The following PRRX2 variants were observed in gnomAD, a reference collection of about 807,000 sequenced individuals.
PRRX2 encodes the protein paired related homeobox 2.
Under a neutral mutation model 18.0 loss-of-function variants are expected in PRRX2, and 11 were observed. The ratio of observed to expected loss-of-function variants is 0.61; its 90% CI spans 0.39 to 1.01. The LOEUF (loss-of-function observed/expected upper bound fraction) is 1.01, where lower values mean the gene tolerates loss of function less well. Among genes scored for constraint, PRRX2 ranks in the 50% least tolerant of loss-of-function variants. PRRX2 has a pLI of 0.01. For missense variants in PRRX2, 387 were observed against 351.0 expected (o/e 1.10, Z -0.82); for synonymous variants, 177 against 154.8 (o/e 1.14, Z -1.06).
intron 1 of PRRX2, among the ~76,000 whole-genome samples, chr9:129,711,074 C>T (rs1564154294): frequency 6.6e-6 from 1 of 152,130 alleles, no homozygotes; most frequent in African/African-American, 2.4e-5. Context: ...TTCAGCCTCC[C>T]TCCTTTTTGT....
chr9:129,684,462 A>ACAC, intron 1 of PRRX2, among the ~76,000 whole-genome samples: 1 of 133,644 alleles, frequency 7.5e-6, no homozygotes, highest in Non-Finnish European at 1.6e-5. Context: ...ACACACACCC[A>ACAC]ACAGAAAAGA....
intron 1 of PRRX2, among the ~76,000 whole-genome samples, chr9:129,699,500 T>G (rs1473025308): frequency 6.6e-6 from 1 of 151,906 alleles, no homozygotes; most frequent in African/African-American, 2.4e-5. Context: ...TATATTAGTT[T>G]CTGCAGATAG....
chr9:129,721,223 G>C (rs946612444), intron 3 of PRRX2, among the ~76,000 whole-genome samples: 6 of 152,190 alleles, frequency 3.9e-5, no homozygotes, highest in African/African-American at 1.4e-4. Context: ...CCAGCGCCCT[G>C]TGTCCACCCT....
intron 1 of PRRX2, among the ~76,000 whole-genome samples, chr9:129,683,372 C>T (rs1832257768): frequency 6.6e-6 from 1 of 152,194 alleles, no homozygotes; most frequent in Non-Finnish European, 1.5e-5. Flanking sequence ...TTGAGAGCCC[C>T]TGCTCTGTGC....
In PRRX2 at chr9:129,715,588, C is replaced by T. The variant is rs559913677; in HGVS notation, c.260-3643C>T. 3.9e-5 allele frequency among the ~76,000 whole-genome samples: 6 copies of T among 152,026 alleles called. No individual in the cohort carries two copies. The South Asian group carries it at 1.2e-3, about 32-fold the overall frequency. On this transcript the variant is annotated intron_variant, in intron 1 of 3. Transcript: ENST00000372469. The surrounding 1 kb of genome is among the most constrained non-coding windows in gnomAD (Gnocchi z 4.0). ...CTTGGGCAACAGAGTGAGACCCTGT[C>T]TCAAAAAATAAAAAAGATATTTAGC... is the stretch of plus-strand genomic sequence containing the variant.
intron 1 of PRRX2, among the ~76,000 whole-genome samples, chr9:129,670,714 C>T (rs1832089291): frequency 6.6e-6 from 1 of 152,148 alleles, no homozygotes; most frequent in Admixed American, 6.6e-5. Context: ...TACTGTTTTC[C>T]ACGGCTAACT....
chr9:129,698,530 G>A (rs537422802), intron 1 of PRRX2, among the ~76,000 whole-genome samples: 3 of 152,324 alleles, frequency 2.0e-5, no homozygotes, highest in South Asian at 2.1e-4. Flanking sequence ...TCCTTGTTCC[G>A]GAAAAGGGGA....
Position 129,709,278 on chromosome 9 carries a change from G to A in PRRX2, c.260-9953G>A, listed in dbSNP as rs748462811. Among the ~76,000 whole-genome samples, 1 of 152,186 alleles carries A rather than the reference G, an allele frequency of 6.6e-6. No homozygotes were observed. Among genetic ancestry groups the A allele is most frequent in the Non-Finnish European group, 1.5e-5 (1 of 68,036 alleles). On this transcript the variant is annotated intron_variant, in intron 1 of 3. Coordinates refer to ENST00000372469, the MANE Select transcript of PRRX2 (RefSeq NM_016307.4). The surrounding 1 kb of genome is among the most constrained non-coding windows in gnomAD (Gnocchi z 4.2). ...GTCTGGTGGCCCCATGGAAATGTGTGCATGTCATGTATTTAGGGGTGAGGC... is the reference window on the plus strand; with the variant it reads ...GTCTGGTGGCCCCATGGAAATGTGTACATGTCATGTATTTAGGGGTGAGGC...
intron 1 of PRRX2, among the ~76,000 whole-genome samples, chr9:129,690,105 G>A (rs974541568): frequency 6.6e-6 from 1 of 151,948 alleles, no homozygotes; most frequent in East Asian, 1.9e-4. Flanking sequence ...GTAATGCCCC[G>A]TGCAGCTAGG....
chr9:129,705,480 G>A (rs77751385), intron 1 of PRRX2, among the ~76,000 whole-genome samples: 33,976 of 152,004 alleles, frequency 0.22, 4,826 homozygotes, highest in East Asian at 0.55. Context: ...TCAGCCTCCC[G>A]GGTAGCTGGG....
In PRRX2 at chr9:129,671,270, G is replaced by T. The variant is rs57168043; in HGVS notation, c.259+5144G>T. ...AGTGCCCAGGGGGCCTTCCGTTTGG[G>T]AACTGCTGGGCCTCCCAGCGTGGCT... is the stretch of plus-strand genomic sequence containing the variant. On this transcript the variant is annotated intron_variant, in intron 1 of 3. Coordinates refer to ENST00000372469, the MANE Select transcript of PRRX2 (RefSeq NM_016307.4). The surrounding 1 kb of genome is among the most constrained non-coding windows in gnomAD (Gnocchi z 4.0). Among the ~76,000 whole-genome samples the T allele has an allele frequency of 0.073, 11,038 of 152,220 alleles. 537 individuals are homozygous for T. The highest frequency in any genetic ancestry group is 0.15 in the Middle Eastern group (45 of 294).
intron 2 of PRRX2, 144 bp downstream of exon 2, chr9:129,719,562 C>T: frequency 9.1e-7 from 1 of 1,094,122 alleles, no homozygotes; most frequent in African/African-American, 1.6e-5. Flanking sequence ...AGATCCCAGC[C>T]CTGCCACTTA....
intron 1 of PRRX2, among the ~76,000 whole-genome samples, chr9:129,705,294 G>A (rs927068414): frequency 4.6e-5 from 7 of 152,212 alleles, no homozygotes; most frequent in Non-Finnish European, 1.0e-4. Flanking sequence ...GGGATATGAG[G>A]GGAGGCTCCT....
At chr9:129,711,735 C>T (rs1414549470) in intron 1 of PRRX2, among the ~76,000 whole-genome samples, 1 of 151,950 alleles carries the variant, frequency 6.6e-6, no homozygotes, top group South Asian at 2.1e-4. Flanking sequence ...AGGCTGGGAG[C>T]GGTTAAAGGT....
chr9:129,678,037 C>T (rs1270550177), intron 1 of PRRX2, among the ~76,000 whole-genome samples: 2 of 147,550 alleles, frequency 1.4e-5, no homozygotes, highest in Middle Eastern at 3.4e-3. Context: ...AATCTCGGCT[C>T]GCTACAACCT....
At chr9:129,685,586 T>G (rs981591124) in intron 1 of PRRX2, among the ~76,000 whole-genome samples, 3 of 152,134 alleles carry the variant, frequency 2.0e-5, no homozygotes, top group African/African-American at 7.2e-5. Flanking sequence ...TAAGCAGTCC[T>G]CCCACCTCAG....
At position 129,665,844 on chromosome 9, in the gene PRRX2, G is replaced by GCC; in HGVS notation, c.-18_-17dup. On this transcript the variant is annotated 5_prime_UTR_variant, in exon 1 of 4. Transcript: ENST00000372469. This position sits in a 1 kb window ranked among gnomAD's most constrained non-coding sequence, Gnocchi z 5.3. ...GGACCCGAGCCCGAGACCCCCGCCGGCCCCCCCGGGGCCGCTCGCGGGCAT... is the reference window on the plus strand; with the variant it reads ...GGACCCGAGCCCGAGACCCCCGCCGGCCCCCCCCCGGGGCCGCTCGCGGGCAT... 9.7e-7 allele frequency: 1 copy of GCC among 1,029,760 alleles called. No individual in the cohort carries two copies. The highest frequency in any genetic ancestry group is 1.2e-6 in the Non-Finnish European group (1 of 861,076). The allele number at this position is 1,029,760 out of a possible 1,614,324, so 63.8% of individuals were successfully genotyped here. A position where few individuals can be genotyped will look rare whatever the true frequency, so the allele number is the denominator to read the frequency against.
intron 1 of PRRX2, among the ~76,000 whole-genome samples, chr9:129,701,173 G>A (rs1832491043): frequency 6.6e-6 from 1 of 152,258 alleles, no homozygotes; most frequent in African/African-American, 2.4e-5. Flanking sequence ...TGATGCAGCC[G>A]CTCACACTAA....
intron 1 of PRRX2, among the ~76,000 whole-genome samples, chr9:129,700,617 T>C (rs1370091651): frequency 1.4e-5 from 2 of 147,396 alleles, no homozygotes; most frequent in African/African-American, 5.1e-5. Context: ...GAGCCACACC[T>C]GGCCGTTATT....
Sources: gnomAD v4.1 joint callset for allele counts (sites outside exome capture counted in the v4.1 genomes callset) on GRCh38, gnomAD v4.1.1 for gene constraint, Gnocchi (gnomAD v3.1) non-coding constraint, MANE v1.5 for transcripts, NCBI Gene and HGNC (gene_info 2026-07-23, HGNC 2026-07-21) for gene names.